Variants in CIMIP6 observed in about 807,000 individuals in gnomAD.
CIMIP6 encodes the protein uncharacterized protein C2orf73.
At chr2:54,342,496 A>G in the CIMIP6 span, among the ~76,000 whole-genome samples, 1 of 151,840 alleles carries the variant, frequency 6.6e-6, no homozygotes, top group Non-Finnish European at 1.5e-5. Context: ...CAATCTTCTG[A>G]CAAGCTGACT....
chr2:54,361,048 A>T, the CIMIP6 span: 1 of 152,588 alleles, frequency 6.6e-6, no homozygotes, highest in Non-Finnish European at 1.5e-5. Context: ...TTGATCAGTA[A>T]GTGGTCAATG....
the CIMIP6 span, among the ~76,000 whole-genome samples, chr2:54,381,608 TC>T: frequency 6.6e-6 from 1 of 152,142 alleles, no homozygotes; most frequent in Non-Finnish European, 1.5e-5. Context: ...TCAAACCCCA[TC>T]CTTTCAACTA....
chr2:54,363,609 A>G, the CIMIP6 span, among the ~76,000 whole-genome samples: 1 of 152,026 alleles, frequency 6.6e-6, no homozygotes, highest in Non-Finnish European at 1.5e-5. Context: ...GTTCTTCTAA[A>G]CGTGAGTTCT....
chr2:54,378,309 C>T, the CIMIP6 span, among the ~76,000 whole-genome samples: 8 of 152,302 alleles, frequency 5.3e-5, no homozygotes, highest in East Asian at 1.9e-4. Flanking sequence ...GTCTTTCCTG[C>T]GAAAAATCCC....
the CIMIP6 span, among the ~76,000 whole-genome samples, chr2:54,345,896 C>T: frequency 6.6e-6 from 1 of 152,090 alleles, no homozygotes; most frequent in Non-Finnish European, 1.5e-5. Flanking sequence ...AAATAAGTCA[C>T]CATCTAAGAA....
the CIMIP6 span, among the ~76,000 whole-genome samples, chr2:54,365,838 C>G: frequency 6.6e-6 from 1 of 152,112 alleles, no homozygotes; most frequent in South Asian, 2.1e-4. Context: ...AAACTTAATT[C>G]AGTAGATTAA....
chr2:54,364,117 A>T, the CIMIP6 span, among the ~76,000 whole-genome samples: 2 of 152,224 alleles, frequency 1.3e-5, no homozygotes, highest in Non-Finnish European at 2.9e-5. Flanking sequence ...TGCAATGATG[A>T]TTTCCAGGTT....
chr2:54,370,050 T>G, the CIMIP6 span, among the ~76,000 whole-genome samples: 1 of 152,110 alleles, frequency 6.6e-6, no homozygotes, highest in Non-Finnish European at 1.5e-5. Flanking sequence ...CTGAGGTCAG[T>G]TGAAGACCAG....
chr2:54,331,036 C>A, the CIMIP6 span: 1 of 1,612,072 alleles, frequency 6.2e-7, no homozygotes, highest in Non-Finnish European at 8.5e-7. Context: ...ATTTCCCTTT[C>A]CAAAAACTAT....
At chr2:54,381,935 T>G in the CIMIP6 span, 5 of 1,550,034 alleles carry the variant, frequency 3.2e-6, no homozygotes, top group South Asian at 3.6e-5. Flanking sequence ...ACGGGCATGT[T>G]TTTTTAGGTG....
chr2:54,340,775 G>A, the CIMIP6 span, among the ~76,000 whole-genome samples: 1 of 152,104 alleles, frequency 6.6e-6, no homozygotes, highest in Non-Finnish European at 1.5e-5. Flanking sequence ...TTATCTCTCT[G>A]CTCTAAGGCT....
chr2:54,336,401 T>C, the CIMIP6 span, among the ~76,000 whole-genome samples: 1 of 152,214 alleles, frequency 6.6e-6, no homozygotes, highest in African/African-American at 2.4e-5. Context: ...GATTTGTCCA[T>C]GTTGCTGCAG....
At chr2:54,373,386 C>T in the CIMIP6 span, among the ~76,000 whole-genome samples, 7 of 152,022 alleles carry the variant, frequency 4.6e-5, no homozygotes, top group South Asian at 8.3e-4. Context: ...GGCCTAGTGC[C>T]GATATCACCC....
chr2:54,360,365 C>G, the CIMIP6 span: 1 of 1,610,290 alleles, frequency 6.2e-7, no homozygotes, highest in Non-Finnish European at 8.5e-7. Flanking sequence ...CTCACCAGGT[C>G]TCTGCCAACA....
the CIMIP6 span, chr2:54,360,266 G>C: frequency 3.1e-6 from 5 of 1,612,032 alleles, no homozygotes; most frequent in Non-Finnish European, 4.2e-6. Context: ...TCCTAAAGGA[G>C]CAGAGGTATT....
chr2:54,333,160 A>T, the CIMIP6 span, among the ~76,000 whole-genome samples: 1 of 152,262 alleles, frequency 6.6e-6, no homozygotes, highest in Admixed American at 6.5e-5. Flanking sequence ...GTACACCTTC[A>T]TGGAACTTAT....
the CIMIP6 span, among the ~76,000 whole-genome samples, chr2:54,373,932 TAGAC>T: frequency 6.6e-6 from 1 of 152,254 alleles, no homozygotes; most frequent in African/African-American, 2.4e-5. Flanking sequence ...CTGTTTCTCT[TAGAC>T]AGAGTCTATT....
the CIMIP6 span, among the ~76,000 whole-genome samples, chr2:54,381,517 A>G: frequency 1.6e-3 from 248 of 152,352 alleles, no homozygotes; most frequent in African/African-American, 5.8e-3. Context: ...GGAAACTGAG[A>G]CTGAGAGATG....
the CIMIP6 span, among the ~76,000 whole-genome samples, chr2:54,357,148 C>T: frequency 1.3e-5 from 2 of 152,074 alleles, no homozygotes; most frequent in Admixed American, 6.5e-5. Context: ...AATTAGAAAT[C>T]AAGAAAATGT....
Sources: allele counts gnomAD v4.1 joint callset (sites outside exome capture counted in the v4.1 genomes callset), GRCh38; gene constraint gnomAD v4.1.1; transcripts MANE v1.5; gene names NCBI Gene and HGNC (gene_info 2026-07-23, HGNC 2026-07-21).